Variants in VWA8 observed in about 807,000 individuals in gnomAD.
VWA8 encodes von Willebrand factor A domain-containing protein 8.
Under a neutral mutation model 241.5 loss-of-function variants are expected in VWA8, and 221 were observed. The observed-to-expected ratio is 0.91, with a 90% confidence interval of 0.82 to 1.02. VWA8 has a LOEUF of 1.02. Among genes scored for constraint, VWA8 ranks in the 50% least tolerant of loss-of-function variants. The probability of loss-of-function intolerance (pLI) is 0.00; values close to 1 mark genes in which losing one functional copy is unlikely to be tolerated. For missense variants in VWA8, 2,322 were observed against 2,328.7 expected, an observed-to-expected ratio of 1.00 and a Z score of 0.06; for synonymous variants, 852 against 827.1, an observed-to-expected ratio of 1.03 and a Z score of -0.52.
At chr13:41,575,245 C>A (rs1033486516) in intron 43 of VWA8, among the ~76,000 whole-genome samples, 2 of 151,996 alleles carry the variant, frequency 1.3e-5, no homozygotes, top group African/African-American at 4.8e-5. Context: ...ATATAATGGA[C>A]TTTGGGGACT....
At chr13:41,888,589 C>T (rs1335051242) in intron 5 of VWA8, among the ~76,000 whole-genome samples, 3 of 152,170 alleles carry the variant, frequency 2.0e-5, no homozygotes, top group Non-Finnish European at 4.4e-5. Flanking sequence ...AGTCAAAGCT[C>T]AGCACAAAAA....
At chr13:41,872,869 T>C (rs2138060378) in intron 9 of VWA8, among the ~76,000 whole-genome samples, 1 of 152,308 alleles carries the variant, frequency 6.6e-6, no homozygotes, top group Admixed American at 6.5e-5. Flanking sequence ...TTGATGGGGA[T>C]GGCATTGAAT....
intron 3 of VWA8, among the ~76,000 whole-genome samples, chr13:41,908,068 T>C (rs1235343747): frequency 6.6e-6 from 1 of 152,238 alleles, no homozygotes; most frequent in African/African-American, 2.4e-5. Flanking sequence ...GTAATGTTCA[T>C]CTTTTATAAA....
chr13:41,686,202 G>A (rs560828594), intron 34 of VWA8, among the ~76,000 whole-genome samples: 2 of 152,122 alleles, frequency 1.3e-5, no homozygotes, highest in African/African-American at 4.8e-5. Flanking sequence ...CTTAGTTACT[G>A]AAGTTTTATA....
At chr13:41,800,442 T>C (rs1869896437) in intron 17 of VWA8, among the ~76,000 whole-genome samples, 1 of 152,168 alleles carries the variant, frequency 6.6e-6, no homozygotes, top group African/African-American at 2.4e-5. Flanking sequence ...GCTCATTCTA[T>C]TTTGTTCATG....
At chr13:41,659,264 G>C (rs1174902090) in intron 37 of VWA8, among the ~76,000 whole-genome samples, 2 of 152,170 alleles carry the variant, frequency 1.3e-5, no homozygotes, top group Non-Finnish European at 2.9e-5. Flanking sequence ...ACATTTAAAA[G>C]CAGATTGCTT....
At chr13:41,631,142 C>T (rs1238088907) in intron 37 of VWA8, among the ~76,000 whole-genome samples, 1 of 152,168 alleles carries the variant, frequency 6.6e-6, no homozygotes. Context: ...ACCTCAGTTT[C>T]CCAAGTAGCT....
At chr13:41,619,205 C>G (rs1233982338) in intron 37 of VWA8, among the ~76,000 whole-genome samples, 8 of 152,188 alleles carry the variant, frequency 5.3e-5, no homozygotes, top group Non-Finnish European at 1.2e-4. Context: ...AGCTGGATTC[C>G]CAGGTATTTT....
rs142779759 is a variant in VWA8, at chr13:41,847,680, C to G, written c.1426-14149G>C. Among the ~76,000 whole-genome samples the G allele has an allele frequency of 6.0e-4, 92 of 152,274 alleles. 1 individual carries two copies. Among genetic ancestry groups the G allele is most frequent in the Non-Finnish European group, 4.3e-4 (29 of 68,014 alleles). On this transcript the variant is annotated intron_variant, in intron 12 of 44. Coordinates refer to ENST00000379310, the MANE Select transcript of VWA8 (RefSeq NM_015058.2). ...TAGAGCCTGGACACTGGAAGTTTTT[C>G]AAAGATCCTTGAGTGGTTCTAATGG...
chr13:41,611,889 T>C (rs537960585), intron 38 of VWA8, among the ~76,000 whole-genome samples, 157 bp from the exon 39 acceptor site: 38 of 152,350 alleles, frequency 2.5e-4, no homozygotes, highest in Admixed American at 5.2e-4. Flanking sequence ...TGTATTCTCT[T>C]GTTTAGGATG....
At chr13:41,695,110 T>TA (rs1405071266) in intron 29 of VWA8, among the ~76,000 whole-genome samples, 3 of 152,118 alleles carry the variant, frequency 2.0e-5, no homozygotes, top group Non-Finnish European at 4.4e-5. Flanking sequence ...GGCACTCCTT[T>TA]AAGGGGGGCA....
At chr13:41,615,131 C>G (rs1360994463) in intron 37 of VWA8, 47 bp from the exon 38 acceptor site, 1 of 1,593,668 alleles carries the variant, frequency 6.3e-7, no homozygotes, top group African/African-American at 1.3e-5. Flanking sequence ...TGACAAACAC[C>G]AGGGACTGCA....
intron 2 of VWA8, chr13:41,927,051 T>C (rs997281408): frequency 5.2e-6 from 2 of 382,552 alleles, no homozygotes; most frequent in Admixed American, 3.4e-5. Context: ...CTGCTTGTCA[T>C]GAAGAAAGAG....
At chr13:41,672,825 A>G (rs2045034867) in intron 36 of VWA8, among the ~76,000 whole-genome samples, 1 of 152,216 alleles carries the variant, frequency 6.6e-6, no homozygotes, top group Non-Finnish European at 1.5e-5. Context: ...GAAAAAACTT[A>G]GTAGTTACAG....
At chr13:41,844,207 C>T (rs1872185108) in intron 12 of VWA8, among the ~76,000 whole-genome samples, 1 of 152,108 alleles carries the variant, frequency 6.6e-6, no homozygotes, top group African/African-American at 2.4e-5. Flanking sequence ...AATATGATCA[C>T]CACATAAACA....
intron 16 of VWA8, among the ~76,000 whole-genome samples, chr13:41,812,932 C>G (rs976704448): frequency 1.3e-5 from 2 of 152,042 alleles, no homozygotes; most frequent in African/African-American, 4.8e-5. Flanking sequence ...ATAAGTGGAA[C>G]AGTAGACAGC....
At chr13:41,626,430 A>G (rs1161954470) in intron 37 of VWA8, among the ~76,000 whole-genome samples, 3 of 152,164 alleles carry the variant, frequency 2.0e-5, no homozygotes, top group African/African-American at 7.2e-5. Flanking sequence ...TTTAAAATTC[A>G]TAAGGAACCA....
intron 20 of VWA8, among the ~76,000 whole-genome samples, chr13:41,768,892 T>C (rs1032061484): frequency 7.5e-5 from 11 of 146,524 alleles, no homozygotes; most frequent in African/African-American, 2.8e-4. Flanking sequence ...AAATCAACTA[T>C]AAAACAATGC....
chr13:41,725,198 GA>G (rs67588391), intron 24 of VWA8, among the ~76,000 whole-genome samples: 16 of 150,758 alleles, frequency 1.1e-4, no homozygotes, highest in African/African-American at 3.2e-4. Context: ...AGCTGGGTAA[GA>G]AAAAAAAAGG....
Sources: allele counts gnomAD v4.1 joint callset (sites outside exome capture counted in the v4.1 genomes callset), GRCh38; gene constraint gnomAD v4.1.1; transcripts MANE v1.5; gene names NCBI Gene and HGNC (gene_info 2026-07-23, HGNC 2026-07-21).